Variants in NEGR1 observed in about 807,000 individuals in gnomAD.
NEGR1 encodes the protein neuronal growth regulator 1, also known as IgLON family member 4.
A neutral mutation model predicts 40.9 loss-of-function variants in NEGR1; 10 were observed. That is an observed-to-expected ratio of 0.24 (90% CI 0.15 to 0.42). The LOEUF is 0.42. Among genes scored for constraint, NEGR1 ranks in the 10% least tolerant of loss-of-function variants. The probability of loss-of-function intolerance (pLI) is 1.00; values close to 1 mark genes in which losing one functional copy is unlikely to be tolerated. For synonymous variants in NEGR1, 185 were observed against 166.8 expected (o/e 1.11, Z -0.84); for missense variants, 352 against 438.9 (o/e 0.80, Z 1.77).
At chr1:71,714,148 G>A (rs1212610452) in intron 3 of NEGR1, among the ~76,000 whole-genome samples, 1 of 152,110 alleles carries the variant, frequency 6.6e-6, no homozygotes, top group African/African-American at 2.4e-5. Context: ...TTCACAGGGA[G>A]GAAGGAGAGA....
intron 1 of NEGR1, among the ~76,000 whole-genome samples, chr1:72,188,838 A>G (rs1475145353): frequency 6.6e-6 from 1 of 151,574 alleles, no homozygotes; most frequent in Non-Finnish European, 1.5e-5. Flanking sequence ...CCATCAAGTT[A>G]GGAAGGTCAC....
At chr1:71,880,711 T>C (rs1051051205) in intron 2 of NEGR1, among the ~76,000 whole-genome samples, 2 of 152,004 alleles carry the variant, frequency 1.3e-5, no homozygotes, top group African/African-American at 4.8e-5. Context: ...ATTCTGACTG[T>C]ATGCATATTT....
At chr1:71,928,025 AAT>A (rs1645794195) in intron 2 of NEGR1, among the ~76,000 whole-genome samples, 1 of 79,138 alleles carries the variant, frequency 1.3e-5, no homozygotes, top group Admixed American at 1.6e-4. Flanking sequence ...TAAATAAATA[AAT>A]ACACACACAC....
intron 1 of NEGR1, among the ~76,000 whole-genome samples, chr1:72,072,190 G>T (rs570165622): frequency 6.6e-6 from 1 of 151,956 alleles, no homozygotes; most frequent in Non-Finnish European, 1.5e-5. Flanking sequence ...TATATCTTTT[G>T]TAATCCTATT....
chr1:71,557,896 G>A (rs1306603336), intron 6 of NEGR1, among the ~76,000 whole-genome samples: 1 of 151,350 alleles, frequency 6.6e-6, no homozygotes, highest in Non-Finnish European at 1.5e-5. Flanking sequence ...ATCTCCTCTT[G>A]TCTGTAATGT....
chr1:72,092,175 G>A (rs2821254), intron 1 of NEGR1, among the ~76,000 whole-genome samples: 37,656 of 151,936 alleles, frequency 0.25, 5,096 homozygotes, highest in East Asian at 0.34. Context: ...CAACTAGGGC[G>A]CAGGTGGTAT....
rs1654006798 is a variant in NEGR1 at position 71,709,393 on chromosome 1, A to G, written c.536-11254T>C. Among the ~76,000 whole-genome samples the G allele has an allele frequency of 2.0e-5, 3 of 152,194 alleles. No homozygotes were observed. In the South Asian group the frequency reaches 6.2e-4, roughly 31 times the overall value. ...TTGTGTTTCTGATTTGCATTTATCT[A>G]ATGATTAGTAATGTTGAGCTTTGTT... On this transcript the variant is annotated intron_variant, in intron 3 of 6. Transcript: ENST00000357731.
At chr1:71,831,539 C>T (rs1441822818) in intron 2 of NEGR1, among the ~76,000 whole-genome samples, 1 of 151,872 alleles carries the variant, frequency 6.6e-6, no homozygotes, top group East Asian at 1.9e-4. Flanking sequence ...CTTCTGGGCA[C>T]ATGGGGTTAT....
rs60830449 is a variant in NEGR1, at chr1:71,771,699, C to CAAA, written c.535+4470_535+4472dup. ...GGGTAACAAAAGCAAGACTTAGTCT[C>CAAA]AAAAAAAAAAAAAAAAAAAAAAAGG... is the stretch of plus-strand genomic sequence containing the variant. On this transcript the variant is annotated intron_variant, in intron 3 of 6. Transcript: ENST00000357731. Among the ~76,000 whole-genome samples the CAAA allele has an allele frequency of 3.3e-3, 40 of 12,088 alleles. 10 individuals carry two copies. Among genetic ancestry groups the CAAA allele is most frequent in the East Asian group, 0.033 (9 of 276 alleles). 7.9% of individuals were successfully genotyped at this position (12,088 alleles called of 152,430 possible).
chr1:72,040,444 A>G (rs1646942167), intron 1 of NEGR1, among the ~76,000 whole-genome samples: 1 of 151,598 alleles, frequency 6.6e-6, no homozygotes, highest in Admixed American at 6.6e-5. Flanking sequence ...TTAAATAAAA[A>G]CACCTTCTTG....
At chr1:71,412,815 CAG>C (rs920373150) in intron 6 of NEGR1, among the ~76,000 whole-genome samples, 2 of 151,988 alleles carry the variant, frequency 1.3e-5, no homozygotes, top group Non-Finnish European at 2.9e-5. Flanking sequence ...TTAAAACTAA[CAG>C]AGAGAATACG....
At chr1:72,177,975 T>C (rs578226921) in intron 1 of NEGR1, among the ~76,000 whole-genome samples, 8 of 152,116 alleles carry the variant, frequency 5.3e-5, no homozygotes, top group Admixed American at 1.3e-4. Flanking sequence ...AAAAGTCATA[T>C]GTGTCTAGAA....
At chr1:71,870,077 G>A (rs536777123) in intron 2 of NEGR1, among the ~76,000 whole-genome samples, 10 of 151,722 alleles carry the variant, frequency 6.6e-5, no homozygotes, top group Non-Finnish European at 1.3e-4. Context: ...ACGGGGTTTC[G>A]CCGTGTTGGC....
chr1:71,794,710 C>A (rs911565926), intron 2 of NEGR1, among the ~76,000 whole-genome samples: 1 of 151,722 alleles, frequency 6.6e-6, no homozygotes, highest in African/African-American at 2.4e-5. Context: ...AAAACACAAG[C>A]CAGATGAAAA....
chr1:71,696,623 T>C (rs994741012), intron 4 of NEGR1, among the ~76,000 whole-genome samples: 1 of 151,822 alleles, frequency 6.6e-6, no homozygotes, highest in South Asian at 2.1e-4. Flanking sequence ...AAAGCATGGC[T>C]AGTGATAAAT....
chr1:71,922,320 G>T (rs1468353112), intron 2 of NEGR1, among the ~76,000 whole-genome samples: 1 of 152,186 alleles, frequency 6.6e-6, no homozygotes, highest in East Asian at 1.9e-4. Flanking sequence ...AACCCTGCCA[G>T]AAACTAAAAA....
intron 1 of NEGR1, among the ~76,000 whole-genome samples, chr1:72,256,919 G>A (rs1035297780): frequency 6.6e-5 from 10 of 150,794 alleles, no homozygotes; most frequent in South Asian, 4.1e-4. Flanking sequence ...TCCATGTAAC[G>A]GCATGGTTAA....
At chr1:71,492,023 G>A (rs1023450169) in intron 6 of NEGR1, among the ~76,000 whole-genome samples, 1 of 151,904 alleles carries the variant, frequency 6.6e-6, no homozygotes, top group Non-Finnish European at 1.5e-5. Flanking sequence ...CCCACTTTTT[G>A]CCCTTCTAAG....
chr1:71,634,621 A>G (rs1023205181), intron 4 of NEGR1, among the ~76,000 whole-genome samples: 1 of 152,136 alleles, frequency 6.6e-6, no homozygotes, highest in Non-Finnish European at 1.5e-5. Flanking sequence ...TATGTCTTGA[A>G]TTGATTTTAG....
Sources: allele counts gnomAD v4.1 joint callset (sites outside exome capture counted in the v4.1 genomes callset), GRCh38; gene constraint gnomAD v4.1.1; transcripts MANE v1.5; gene names NCBI Gene and HGNC (gene_info 2026-07-23, HGNC 2026-07-21).